TSHZ2: variants seen among roughly 807,000 people sequenced by gnomAD.
TSHZ2 encodes teashirt zinc finger homeobox 2.
A neutral mutation model predicts 74.4 loss-of-function variants in TSHZ2; 21 were observed. The observed-to-expected ratio is 0.28, with a 90% confidence interval of 0.20 to 0.41. The LOEUF (loss-of-function observed/expected upper bound fraction) is 0.41. TSHZ2 is among the 10% of genes least tolerant of loss of function. The pLI is 1.00. For missense variants in TSHZ2, 1,244 were observed against 1,293.5 expected (o/e 0.96, Z 0.59); for synonymous variants, 540 against 515.3 (o/e 1.05, Z -0.65).
chr20:53,277,624 G>A (rs750085383), intron 2 of TSHZ2, among the ~76,000 whole-genome samples: 4 of 152,142 alleles, frequency 2.6e-5, no homozygotes, highest in Non-Finnish European at 5.9e-5. Context: ...AATGGCAAAC[G>A]TGGACCAGCT....
At chr20:53,059,083 A>G (rs962510001) in intron 1 of TSHZ2, among the ~76,000 whole-genome samples, 2 of 152,198 alleles carry the variant, frequency 1.3e-5, no homozygotes, top group Admixed American at 1.3e-4. Context: ...CTGTCTGTAA[A>G]TGTGAGTAGT....
intron 1 of TSHZ2, among the ~76,000 whole-genome samples, chr20:52,981,471 A>T (rs1286994857): frequency 6.6e-6 from 1 of 152,174 alleles, no homozygotes; most frequent in Non-Finnish European, 1.5e-5. Flanking sequence ...AGTGTGCTGA[A>T]ACTGTTAGGC....
At chr20:53,283,685 C>T (rs1171328109) in intron 2 of TSHZ2, among the ~76,000 whole-genome samples, 4 of 152,180 alleles carry the variant, frequency 2.6e-5, no homozygotes, top group Admixed American at 6.5e-5. Flanking sequence ...TTCAAGCTTC[C>T]GTGCTCTGGG....
At chr20:53,109,426 C>A (rs556845540) in intron 1 of TSHZ2, among the ~76,000 whole-genome samples, 34 of 152,234 alleles carry the variant, frequency 2.2e-4, no homozygotes, top group Admixed American at 6.5e-4. Flanking sequence ...CATTACCAAC[C>A]TCTTTGGAAG....
intron 2 of TSHZ2, among the ~76,000 whole-genome samples, chr20:53,404,938 C>T (rs1002265486): frequency 6.6e-6 from 1 of 152,188 alleles, no homozygotes; most frequent in Admixed American, 6.5e-5. Flanking sequence ...CTTCCACGCA[C>T]TCTTCGACAT....
At chr20:53,079,705 T>C (rs1985472901) in intron 1 of TSHZ2, among the ~76,000 whole-genome samples, 1 of 152,228 alleles carries the variant, frequency 6.6e-6, no homozygotes, top group Non-Finnish European at 1.5e-5. Context: ...AATAAATGTA[T>C]TGAGTGCTGA....
At chr20:53,415,496 C>T (rs1983205812) in intron 2 of TSHZ2, among the ~76,000 whole-genome samples, 1 of 151,988 alleles carries the variant, frequency 6.6e-6, no homozygotes, top group Non-Finnish European at 1.5e-5. Context: ...ATGCACCCCA[C>T]ACACACAGCC....
intron 1 of TSHZ2, among the ~76,000 whole-genome samples, chr20:52,981,994 A>C (rs924625347): frequency 6.6e-6 from 1 of 152,194 alleles, no homozygotes; most frequent in Non-Finnish European, 1.5e-5. Flanking sequence ...ATACAAAGAA[A>C]TTTATAAAGG....
chr20:53,218,678 T>G (rs1989489387), intron 1 of TSHZ2, among the ~76,000 whole-genome samples: 1 of 152,238 alleles, frequency 6.6e-6, no homozygotes, highest in African/African-American at 2.4e-5. Flanking sequence ...TAGCCATTTA[T>G]CATTGTGTTT....
chr20:53,153,971 G>C (rs1276992253), intron 1 of TSHZ2, among the ~76,000 whole-genome samples: 2 of 152,216 alleles, frequency 1.3e-5, no homozygotes, highest in South Asian at 4.1e-4. Context: ...GCAAAAGCCT[G>C]TAAGTCCTTG....
Position 53,254,837 on chromosome 20 carries a change from TAAA to T in TSHZ2, c.1380_1382del (p.Lys462del). On this transcript the variant is annotated inframe_deletion, in exon 2 of 3. Transcript: ENST00000371497. The stretch of plus-strand genomic sequence containing the variant: ...GATTGTACAGCCTCTACAACTGAGT[TAAA>T]GAAAGAGAGTAAAAAAGAAAGGCCA... 6.2e-7 allele frequency: 1 copy of T among 1,613,858 alleles called. No individual in the cohort carries two copies.
At chr20:53,209,269 G>A (rs1013780517) in intron 1 of TSHZ2, among the ~76,000 whole-genome samples, 2 of 152,042 alleles carry the variant, frequency 1.3e-5, no homozygotes, top group African/African-American at 4.8e-5. Context: ...TGTATTTTTA[G>A]TAGAGATGGG....
intron 1 of TSHZ2, among the ~76,000 whole-genome samples, chr20:53,019,081 A>G (rs1983141518): frequency 6.6e-6 from 1 of 152,194 alleles, no homozygotes; most frequent in African/African-American, 2.4e-5. Context: ...CCAATTCTCT[A>G]TATTTGTGTA....
At chr20:52,980,410 A>G (rs1198115224) in intron 1 of TSHZ2, among the ~76,000 whole-genome samples, 3 of 151,630 alleles carry the variant, frequency 2.0e-5, no homozygotes, top group Non-Finnish European at 4.4e-5. Context: ...ACTGCTAGAC[A>G]CTAAGGTGGG....
intron 1 of TSHZ2, among the ~76,000 whole-genome samples, chr20:53,142,995 G>A (rs939681760): frequency 1.4e-4 from 21 of 152,226 alleles, no homozygotes; most frequent in Admixed American, 9.1e-4. Flanking sequence ...TGCTTAATCC[G>A]GCGCTGACGT....
At chr20:53,265,279 C>T (rs1990689438) in intron 2 of TSHZ2, among the ~76,000 whole-genome samples, 2 of 152,116 alleles carry the variant, frequency 1.3e-5, no homozygotes, top group African/African-American at 4.8e-5. Flanking sequence ...AGGGAAGGCA[C>T]ACTTAGGGGC....
chr20:53,219,434 T>A (rs1397093598), intron 1 of TSHZ2, among the ~76,000 whole-genome samples: 1 of 152,252 alleles, frequency 6.6e-6, no homozygotes, highest in Non-Finnish European at 1.5e-5. Context: ...TGTATTAAAT[T>A]TGTAACTACT....
At chr20:53,478,942 A>G (rs1462636237) in intron 2 of TSHZ2, among the ~76,000 whole-genome samples, 2 of 152,114 alleles carry the variant, frequency 1.3e-5, no homozygotes, top group Non-Finnish European at 2.9e-5. Flanking sequence ...AGGTGGGTGG[A>G]TCACTTCGGA....
intron 1 of TSHZ2, among the ~76,000 whole-genome samples, chr20:53,027,323 GTATT>G (rs1380465887): frequency 3.3e-5 from 5 of 152,130 alleles, no homozygotes; most frequent in Non-Finnish European, 5.9e-5. Context: ...GCTCATATAT[GTATT>G]TATGTATGAA....
Sources: allele counts gnomAD v4.1 joint callset (sites outside exome capture counted in the v4.1 genomes callset), GRCh38; gene constraint gnomAD v4.1.1; transcripts MANE v1.5; gene names NCBI Gene and HGNC (gene_info 2026-07-23, HGNC 2026-07-21).